COLEC12: variants seen among roughly 807,000 people sequenced by gnomAD.
COLEC12 encodes collectin subfamily member 12.
COLEC12 carries 33 observed loss-of-function variants against 71.1 expected under a neutral mutation model. That is an observed-to-expected ratio of 0.46 (90% confidence interval 0.35 to 0.62). The LOEUF (loss-of-function observed/expected upper bound fraction) is 0.62, where lower values mean the gene tolerates loss of function less well. Among genes scored for constraint, COLEC12 ranks in the 20% least tolerant of loss-of-function variants. The probability of loss-of-function intolerance (pLI) is 0.00; values close to 1 mark genes in which losing one functional copy is unlikely to be tolerated. For synonymous variants in COLEC12, 350 were observed against 353.0 expected, an observed-to-expected ratio of 0.99 and a Z score of 0.10; for missense variants, 765 against 916.1, an observed-to-expected ratio of 0.84 and a Z score of 2.13.
At chr18:447,168 T>A (rs1348216561) in intron 2 of COLEC12, among the ~76,000 whole-genome samples, 1 of 152,236 alleles carries the variant, frequency 6.6e-6, no homozygotes, top group African/African-American at 2.4e-5. Context: ...ACATTCAGGC[T>A]TTACTTGGCT....
intron 5 of COLEC12, among the ~76,000 whole-genome samples, chr18:339,816 A>AT (rs996933344): frequency 1.7e-4 from 26 of 151,874 alleles, no homozygotes; most frequent in African/African-American, 6.1e-4. Flanking sequence ...AATTTCCTGG[A>AT]TTTTTTTTCC....
chr18:462,703 TA>T (rs927570535), intron 2 of COLEC12, among the ~76,000 whole-genome samples: 3 of 152,166 alleles, frequency 2.0e-5, no homozygotes, highest in African/African-American at 7.2e-5. Flanking sequence ...AAGCTGTTAT[TA>T]AAAATAACGG....
intron 2 of COLEC12, among the ~76,000 whole-genome samples, chr18:379,794 A>T (rs1056878395): frequency 6.6e-6 from 1 of 152,170 alleles, no homozygotes; most frequent in Non-Finnish European, 1.5e-5. Context: ...TCAGATGAAT[A>T]AGGGAGGAGT....
At chr18:421,151 C>G (rs778703499) in intron 2 of COLEC12, among the ~76,000 whole-genome samples, 1 of 152,230 alleles carries the variant, frequency 6.6e-6, no homozygotes, top group Non-Finnish European at 1.5e-5. Context: ...GTTGTGAAAA[C>G]TCTATATTAA....
At chr18:374,501 G>A (rs1915070932) in intron 2 of COLEC12, among the ~76,000 whole-genome samples, 2 of 152,170 alleles carry the variant, frequency 1.3e-5, no homozygotes, top group Non-Finnish European at 2.9e-5. Context: ...ATATGTTTGG[G>A]CATGATTTCA....
intron 2 of COLEC12, among the ~76,000 whole-genome samples, chr18:369,404 T>TTTA (rs1163246389): frequency 7.4e-6 from 1 of 134,800 alleles, no homozygotes; most frequent in Non-Finnish European, 1.5e-5. Flanking sequence ...TTTATTTTTT[T>TTTA]TTATTTTTAT....
intron 2 of COLEC12, among the ~76,000 whole-genome samples, chr18:371,403 C>T (rs1449614018): frequency 2.0e-5 from 3 of 152,152 alleles, no homozygotes; most frequent in Admixed American, 2.0e-4. Flanking sequence ...TCTGTTTCTA[C>T]TCCTGCTCAC....
chr18:398,089 A>G (rs1311878741), intron 2 of COLEC12, among the ~76,000 whole-genome samples: 1 of 152,252 alleles, frequency 6.6e-6, no homozygotes, highest in Non-Finnish European at 1.5e-5. Flanking sequence ...AGCAAAAAGC[A>G]GAACATGTCT....
chr18:451,412 C>T (rs1180853044), intron 2 of COLEC12, among the ~76,000 whole-genome samples: 1 of 152,128 alleles, frequency 6.6e-6, no homozygotes, highest in Non-Finnish European at 1.5e-5. Flanking sequence ...TATGATGTGG[C>T]CTGGCTGCTT....
chr18:456,264 G>T (rs1437302929), intron 2 of COLEC12, among the ~76,000 whole-genome samples: 2 of 152,176 alleles, frequency 1.3e-5, no homozygotes, highest in African/African-American at 2.4e-5. Context: ...AGTTCTCAAT[G>T]AAGACCAAAA....
In COLEC12 at chr18:384,004, G is replaced by A. The variant is rs190866943; in HGVS notation, c.59-26482C>T. On this transcript the variant is annotated intron_variant, in intron 2 of 9. Coordinates refer to ENST00000400256, the MANE Select transcript of COLEC12 (RefSeq NM_130386.3). Reference sequence around the variant, plus strand: ...TATTCATTTCCATGAGAACAGTATCGGGGAAACCGCCCCCATGATCCAATT... The same window carrying A: ...TATTCATTTCCATGAGAACAGTATCAGGGAAACCGCCCCCATGATCCAATT... Among the ~76,000 whole-genome samples the A allele has an allele frequency of 1.5e-4, 23 of 152,202 alleles. No homozygotes were observed. In the South Asian group the frequency reaches 2.7e-3, roughly 18 times the overall value.
intron 2 of COLEC12, among the ~76,000 whole-genome samples, chr18:360,278 G>A (rs112093721): frequency 0.06 from 9,077 of 151,972 alleles, 405 homozygotes; most frequent in South Asian, 0.14. Flanking sequence ...TGCCTCCCGG[G>A]TTCAAGTGAT....
intron 1 of COLEC12, among the ~76,000 whole-genome samples, chr18:490,507 AGAATTTCAG>A (rs1478349616): frequency 2.0e-5 from 3 of 152,262 alleles, no homozygotes; most frequent in Non-Finnish European, 4.4e-5. Context: ...GCTGTTTTTC[AGAATTTCAG>A]GAATTTCAGG....
chr18:368,851 G>C (rs1170435235), intron 2 of COLEC12, among the ~76,000 whole-genome samples: 1 of 152,198 alleles, frequency 6.6e-6, no homozygotes, highest in African/African-American at 2.4e-5. Context: ...GGGCAACAGA[G>C]CGAGACTCCG....
intron 2 of COLEC12, among the ~76,000 whole-genome samples, chr18:449,141 G>A (rs1916709048): frequency 6.6e-6 from 1 of 151,878 alleles, no homozygotes; most frequent in South Asian, 2.1e-4. Context: ...TGGACTTTAA[G>A]GTAGAATACA....
chr18:319,331 A>ATATATAT lies in COLEC12; in HGVS notation c.*713_*714insATATATA, dbSNP rs1431727726. 45 of 54,536 alleles carry ATATATAT rather than the reference A, an allele frequency of 8.3e-4. No homozygotes were observed. Among genetic ancestry groups the ATATATAT allele is most frequent in the South Asian group, 1.9e-3 (3 of 1,580 alleles). 3.4% of individuals were successfully genotyped at this position (54,536 alleles called of 1,614,324 possible). On this transcript the variant is annotated 3_prime_UTR_variant, in exon 10 of 10. Coordinates refer to ENST00000400256, the MANE Select transcript of COLEC12 (RefSeq NM_130386.3). Reference sequence around the variant, plus strand: ...GAGGAAATGAAACATTAAAAAAAAAAAAAAAAAAAAATATATATATATATA... The same window carrying ATATATAT: ...GAGGAAATGAAACATTAAAAAAAAAATATATATAAAAAAAAAAATATATATATATATA...
chr18:458,973 CACG>C (rs1424093807), intron 2 of COLEC12, among the ~76,000 whole-genome samples: 1 of 152,164 alleles, frequency 6.6e-6, no homozygotes, highest in African/African-American at 2.4e-5. Context: ...TAGCTGGGAC[CACG>C]GACATGCTCC....
chr18:428,614 G>A (rs1196632196), intron 2 of COLEC12, among the ~76,000 whole-genome samples: 7 of 152,120 alleles, frequency 4.6e-5, no homozygotes, highest in Admixed American at 4.6e-4. Context: ...CATCATAAAA[G>A]AATTACTTTA....
At chr18:339,554 G>T (rs924264143) in intron 5 of COLEC12, among the ~76,000 whole-genome samples, 2 of 139,640 alleles carry the variant, frequency 1.4e-5, no homozygotes, top group East Asian at 1.9e-4. Context: ...CCCATCCGAA[G>T]TACTACATCT....
Sources: allele counts gnomAD v4.1 joint callset (sites outside exome capture counted in the v4.1 genomes callset), GRCh38; gene constraint gnomAD v4.1.1; transcripts MANE v1.5; gene names NCBI Gene and HGNC (gene_info 2026-07-23, HGNC 2026-07-21).